The following ZNF469 variants were observed in gnomAD, a reference collection of about 807,000 sequenced individuals.
ZNF469 encodes zinc finger protein 469.
A neutral mutation model predicts 1.0 loss-of-function variants in ZNF469; 1 was observed. That is an observed-to-expected ratio of 1.00 (90% CI 0.35 to 4.73). The LOEUF is 4.73. Ranked by LOEUF, ZNF469 falls within the 30% of genes most tolerant of loss-of-function variation. ZNF469 has a pLI of 0.16. For missense variants in ZNF469, 6,100 were observed against 5,356.3 expected, an observed-to-expected ratio of 1.14 and a Z score of -4.33; for synonymous variants, 2,703 against 2,363.4, an observed-to-expected ratio of 1.14 and a Z score of -4.17.
rs1299424037 is a variant in ZNF469 at position 88,432,989 on chromosome 16, G to A, written c.5519G>A (p.Gly1840Asp). The A allele has an allele frequency of 1.3e-6, 2 of 1,550,404 alleles. No homozygotes were observed. The highest frequency in any genetic ancestry group is 2.0e-5 in the Admixed American group (1 of 51,000). ...AAQGHSAGRA[G>D]GHLHPTAGRP... ...CAGGGACATTCTGCAGGCAGAGCAG[G>A]TGGGCACCTCCACCCCACGGCAGGG... The change falls in exon 3 of 3, where the codon GGT (glycine) becomes GAT (aspartate). Residue 1840 changes from glycine to aspartate, a missense_variant. Coordinates refer to ENST00000565624, the MANE Select transcript of ZNF469 (RefSeq NM_001367624.2).
chr16:88,431,472 C>T lies in ZNF469; in HGVS notation c.4002C>T (p.Pro1334=). ...AATTTCTGGCACCCGTGGCTAACCC[C>T]TCAAGTACCGCCTGCCCCAAACCCA... ...PGEFLAPVAN[P]SSTACPKPSV... Residue 1334 remains proline (P), a synonymous_variant, in exon 3 of 3, where the codon CCC becomes CCT. Transcript: ENST00000565624. 2 of 1,550,426 alleles carry T rather than the reference C, an allele frequency of 1.3e-6. No homozygotes were observed. Among genetic ancestry groups the T allele is most frequent in the South Asian group, 1.2e-5 (1 of 84,068 alleles).
At chr16:88,401,715 A>C (rs1904873149) in intron 1 of ZNF469, among the ~76,000 whole-genome samples, 2 of 135,922 alleles carry the variant, frequency 1.5e-5, no homozygotes, top group Admixed American at 7.2e-5. Context: ...ATATGGGTAG[A>C]TGGATGGGTG....
Position 88,439,416 on chromosome 16 carries a change from G to A in ZNF469, c.*84G>A, listed in dbSNP as rs1906849920. ...TGGCCAGCTCCGGCTCCCTGAGATG[G>A]TCCACTCTGTGGCCACTTGACTTCT... On this transcript the variant is annotated 3_prime_UTR_variant, in exon 3 of 3. Transcript: ENST00000565624. 2 of 1,452,032 alleles carry A rather than the reference G, an allele frequency of 1.4e-6. No individual in the cohort carries two copies. Among genetic ancestry groups the A allele is most frequent in the Admixed American group, 4.0e-5 (2 of 50,582 alleles). The allele number at this position is 1,452,032 out of a possible 1,614,324, so 89.9% of individuals were successfully genotyped here. A position where few individuals can be genotyped will look rare whatever the true frequency, so the allele number is the denominator to read the frequency against.
chr16:88,209,668 A>G, the ZNF469 span, among the ~76,000 whole-genome samples: 2 of 152,166 alleles, frequency 1.3e-5, no homozygotes, highest in African/African-American at 2.4e-5. Flanking sequence ...TGTTAGAGAT[A>G]GTCTTTTACA....
At chr16:88,405,751 C>G (rs1049692436) in intron 1 of ZNF469, among the ~76,000 whole-genome samples, 1 of 152,172 alleles carries the variant, frequency 6.6e-6, no homozygotes, top group African/African-American at 2.4e-5. Flanking sequence ...CTCGGTGGGG[C>G]CACAGCGTCT....
the ZNF469 span, among the ~76,000 whole-genome samples, chr16:88,332,739 G>A: frequency 6.6e-6 from 1 of 152,142 alleles, no homozygotes; most frequent in East Asian, 1.9e-4. Flanking sequence ...CTGGGAACAG[G>A]GTGAGGGCCC....
the ZNF469 span, among the ~76,000 whole-genome samples, chr16:88,185,540 C>T: frequency 8.1e-6 from 1 of 123,428 alleles, no homozygotes; most frequent in Non-Finnish European, 1.9e-5. Context: ...GACCCACACC[C>T]ACTCACATTC....
At chr16:88,211,184 G>A in the ZNF469 span, among the ~76,000 whole-genome samples, 9 of 152,166 alleles carry the variant, frequency 5.9e-5, no homozygotes, top group Non-Finnish European at 1.0e-4. Context: ...GGAGGTTTTC[G>A]ACCATTAGCT....
chr16:88,256,178 G>A, the ZNF469 span, among the ~76,000 whole-genome samples: 46 of 152,196 alleles, frequency 3.0e-4, 1 homozygote, highest in African/African-American at 6.7e-4. Flanking sequence ...TAGTTTCACC[G>A]CCCTAAAAAT....
intron 1 of ZNF469, among the ~76,000 whole-genome samples, chr16:88,395,865 G>A (rs1904644179): frequency 6.6e-6 from 1 of 152,174 alleles, no homozygotes; most frequent in Non-Finnish European, 1.5e-5. Flanking sequence ...ATGGATCAAA[G>A]GCCATGCTGT....
the ZNF469 span, among the ~76,000 whole-genome samples, chr16:88,352,628 G>A: frequency 6.6e-6 from 1 of 152,272 alleles, no homozygotes; most frequent in Non-Finnish European, 1.5e-5. Flanking sequence ...CGGGGCCGAT[G>A]GTGGGCACTT....
chr16:88,377,347 TC>T, the ZNF469 span, among the ~76,000 whole-genome samples: 1 of 152,164 alleles, frequency 6.6e-6, no homozygotes, highest in African/African-American at 2.4e-5. Flanking sequence ...CCCGGTGGCT[TC>T]CGGCTACTCT....
chr16:88,321,161 T>C, the ZNF469 span, among the ~76,000 whole-genome samples: 1 of 152,252 alleles, frequency 6.6e-6, no homozygotes, highest in East Asian at 1.9e-4. Flanking sequence ...CAGGCTGTCC[T>C]GGGCGAGGCG....
At chr16:88,334,337 G>C in the ZNF469 span, among the ~76,000 whole-genome samples, 1 of 152,154 alleles carries the variant, frequency 6.6e-6, no homozygotes, top group Non-Finnish European at 1.5e-5. Flanking sequence ...TACCTGAAAC[G>C]CTCGGGACCA....
chr16:88,120,761 G>A, the ZNF469 span, among the ~76,000 whole-genome samples: 178 of 152,306 alleles, frequency 1.2e-3, no homozygotes, highest in African/African-American at 4.2e-3. Flanking sequence ...CTGGAAAATG[G>A]AACTCGGAGG....
At chr16:88,122,877 CTG>C in the ZNF469 span, among the ~76,000 whole-genome samples, 1 of 152,046 alleles carries the variant, frequency 6.6e-6, no homozygotes, top group African/African-American at 2.4e-5. Context: ...GCGTCTCACT[CTG>C]TCCCCCAGGC....
chr16:88,272,676 G>A, the ZNF469 span, among the ~76,000 whole-genome samples: 1 of 150,710 alleles, frequency 6.6e-6, no homozygotes, highest in Non-Finnish European at 1.5e-5. Flanking sequence ...ACGGGTGGGT[G>A]TATGGATAGA....
chr16:88,279,126 G>T, the ZNF469 span, among the ~76,000 whole-genome samples: 1 of 44,500 alleles, frequency 2.2e-5, no homozygotes, highest in Non-Finnish European at 4.8e-5. Context: ...TCACTGCACG[G>T]TTAGTGCTGC....
chr16:88,406,717 A>G (rs1196353571), intron 1 of ZNF469, among the ~76,000 whole-genome samples: 1 of 152,142 alleles, frequency 6.6e-6, no homozygotes, highest in Non-Finnish European at 1.5e-5. Context: ...CGAGGGCTAC[A>G]GAGTCCTCTC....
Sources: gnomAD v4.1 joint callset for allele counts (sites outside exome capture counted in the v4.1 genomes callset) on GRCh38, gnomAD v4.1.1 for gene constraint, MANE v1.5 for transcripts, NCBI Gene and HGNC (gene_info 2026-07-23, HGNC 2026-07-21) for gene names.